Variants in SCN9A observed in about 807,000 individuals in gnomAD.
SCN9A encodes sodium voltage-gated channel alpha subunit 9, also known as sodium channel protein type 9 subunit alpha.
A neutral mutation model predicts 187.0 loss-of-function variants in SCN9A; 131 were observed. The observed-to-expected ratio is 0.70, with a 90% CI of 0.61 to 0.81. SCN9A has a LOEUF of 0.81. SCN9A is among the 30% of genes least tolerant of loss of function. The probability of loss-of-function intolerance (pLI) is 0.00; values close to 1 mark genes in which losing one functional copy is unlikely to be tolerated. For synonymous variants in SCN9A, 809 were observed against 808.6 expected, an observed-to-expected ratio of 1.00 and a Z score of -0.01; for missense variants, 2,252 against 2,396.6, an observed-to-expected ratio of 0.94 and a Z score of 1.26.
At chr2:166,356,538 T>G (rs541985091) in intron 1 of SCN9A, among the ~76,000 whole-genome samples, 173 of 152,256 alleles carry the variant, frequency 1.1e-3, no homozygotes, top group African/African-American at 3.9e-3. Context: ...AAGAATAAAT[T>G]TAGCCACAAA....
chr2:166,207,035 C>T (rs1693839406), intron 24 of SCN9A, among the ~76,000 whole-genome samples: 1 of 152,100 alleles, frequency 6.6e-6, no homozygotes, highest in African/African-American at 2.4e-5. Flanking sequence ...CTAAATCTTA[C>T]AAAGGGGGGC....
chr2:166,245,199 CA>C (rs778310897), intron 18 of SCN9A, among the ~76,000 whole-genome samples: 1 of 151,314 alleles, frequency 6.6e-6, no homozygotes, highest in South Asian at 2.1e-4. Flanking sequence ...TGGCAAAGTT[CA>C]AAAAAAGCAT....
In SCN9A at chr2:166,285,876, G is replaced by T. The variant is rs4426542; in HGVS notation, c.1602+460C>A. 3.7e-3 allele frequency among the ~76,000 whole-genome samples: 565 copies of T among 152,256 alleles called. 7 individuals carry two copies. Among genetic ancestry groups the T allele is most frequent in the South Asian group, 0.025 (120 of 4,824 alleles). On this transcript the variant is annotated intron_variant, in intron 11 of 26. Transcript: ENST00000642356. ...GCACTACATATTAGTAGTTGATGTG[G>T]TTGGGGGTGGAGGATATCAAAGGCT... is the stretch of plus-strand genomic sequence containing the variant.
intron 1 of SCN9A, among the ~76,000 whole-genome samples, chr2:166,348,956 T>C (rs1292452766): frequency 6.6e-6 from 1 of 151,852 alleles, no homozygotes; most frequent in Non-Finnish European, 1.5e-5. Context: ...AGAAACTCCA[T>C]CTCTACTAAA....
chr2:166,330,255 T>G (rs1275203882), intron 1 of SCN9A, among the ~76,000 whole-genome samples: 1 of 152,112 alleles, frequency 6.6e-6, no homozygotes, highest in Non-Finnish European at 1.5e-5. Context: ...AGCCTCCTTT[T>G]ATTAATATTT....
chr2:166,222,288 A>G (rs1481331718), intron 24 of SCN9A, among the ~76,000 whole-genome samples: 5 of 152,246 alleles, frequency 3.3e-5, no homozygotes, highest in African/African-American at 1.2e-4. Flanking sequence ...ACCAACATGT[A>G]TATTAAAAGA....
chr2:166,260,756 T>G (rs1696472270), intron 17 of SCN9A, among the ~76,000 whole-genome samples: 1 of 151,792 alleles, frequency 6.6e-6, no homozygotes, highest in Non-Finnish European at 1.5e-5. Flanking sequence ...ATAGAAAATT[T>G]TAATGTGTTC....
At chr2:166,231,211 T>A (rs765074282) in intron 21 of SCN9A, among the ~76,000 whole-genome samples, 2 of 151,908 alleles carry the variant, frequency 1.3e-5, no homozygotes, top group African/African-American at 2.4e-5. Flanking sequence ...ATTCTATTAA[T>A]GCTCAAAAAA....
chr2:166,345,561 A>G (rs1699881659), intron 1 of SCN9A, among the ~76,000 whole-genome samples: 1 of 152,168 alleles, frequency 6.6e-6, no homozygotes, highest in Non-Finnish European at 1.5e-5. Flanking sequence ...ATTGATTGAT[A>G]TAAAACTAAG....
In SCN9A at chr2:166,373,918, T is replaced by C. The variant is rs193052322; in HGVS notation, c.-51+1779A>G. Among the ~76,000 whole-genome samples, 601 of 152,332 alleles carry C rather than the reference T, an allele frequency of 3.9e-3. 6 individuals are homozygous for C. The highest frequency in any genetic ancestry group is 0.014 in the African/African-American group (563 of 41,568). On this transcript the variant is annotated intron_variant, in intron 1 of 26. Transcript: ENST00000642356. ...ATTCATGTAAAATGAAAAATTCTAC[T>C]TTTTTCCTTGCCACAGAGAAAGTGG...
In SCN9A at chr2:166,294,974, C is replaced by T. The variant is rs537968525; in HGVS notation, c.902-312G>A. On this transcript the variant is annotated intron_variant, in intron 7 of 26. Coordinates refer to ENST00000642356, the MANE Select transcript of SCN9A (RefSeq NM_001365536.1). ...AAATTTAAGTAAATAAATAAATATA[C>T]AAGATATTTTCAGATAGTGATAAAT... Among the ~76,000 whole-genome samples the T allele has an allele frequency of 1.5e-3, 235 of 152,120 alleles. 3 individuals carry two copies. In the Middle Eastern group the frequency reaches 0.017, roughly 11 times the overall value.
chr2:166,204,088 T>C lies in SCN9A; in HGVS notation c.4641A>G (p.Leu1547=). 6.2e-7 allele frequency: 1 copy of C among 1,612,800 alleles called. No homozygotes were observed. The highest frequency in any genetic ancestry group is 1.1e-5 in the South Asian group (1 of 91,056). ...EGQSQHMTEV[L]YWINVVFIIL... ...TTATAAAAACCACATTTATCCAATA[T>C]AAAACTTCAGTCATATGTTGACTTT... The change falls in exon 26 of 27, where the codon TTA becomes TTG. Residue 1547 remains leucine, a synonymous_variant. Coordinates refer to ENST00000642356, the MANE Select transcript of SCN9A (RefSeq NM_001365536.1).
At chr2:166,227,222 G>A (rs1694877891) in intron 23 of SCN9A, among the ~76,000 whole-genome samples, 1 of 152,056 alleles carries the variant, frequency 6.6e-6, no homozygotes, top group Non-Finnish European at 1.5e-5. Context: ...AACAGTAAAA[G>A]CTATACATTA....
chr2:166,301,435 C>T (rs1467408769), intron 7 of SCN9A: 3 of 150,852 alleles, frequency 2.0e-5, no homozygotes, highest in African/African-American at 7.5e-5. Flanking sequence ...ATAAATACTC[C>T]TGCTCATGTT....
At chr2:166,317,539 A>C (rs1342931427) in intron 1 of SCN9A, among the ~76,000 whole-genome samples, 2 of 152,192 alleles carry the variant, frequency 1.3e-5, no homozygotes, top group African/African-American at 2.4e-5. Context: ...CTATAGTTAA[A>C]ATCAATATGG....
Position 166,276,925 on chromosome 2 carries a change from A to G in SCN9A, c.2874+58T>C, listed in dbSNP as rs1317195783. 5 of 1,410,370 alleles carry G rather than the reference A, an allele frequency of 3.5e-6. No homozygotes were observed. The East Asian group carries it at 1.1e-4, about 32-fold the overall frequency. 87.4% of individuals were successfully genotyped at this position (1,410,370 alleles called of 1,614,324 possible). A position where few individuals can be genotyped will look rare whatever the true frequency, so the allele number is the denominator to read the frequency against. On this transcript the variant is annotated intron_variant, in intron 16 of 26. Transcript: ENST00000642356. ...TAAAATTATAAAAATAATAGATCAC[A>G]TCATCACAAAATAATTTCCACAGAG...
chr2:166,362,439 G>A (rs1291438709), intron 1 of SCN9A, among the ~76,000 whole-genome samples: 1 of 151,836 alleles, frequency 6.6e-6, no homozygotes, highest in African/African-American at 2.4e-5. Context: ...AAGATAAAGG[G>A]TATGGCTATT....
chr2:166,200,790 C>G (rs1693472634), intron 26 of SCN9A, among the ~76,000 whole-genome samples: 1 of 152,142 alleles, frequency 6.6e-6, no homozygotes, highest in Non-Finnish European at 1.5e-5. Flanking sequence ...CATGCGCCAC[C>G]ACACCTGGTT....
chr2:166,369,948 G>C (rs1274330206), intron 1 of SCN9A, among the ~76,000 whole-genome samples: 1 of 152,006 alleles, frequency 6.6e-6, no homozygotes, highest in Non-Finnish European at 1.5e-5. Flanking sequence ...GGGATTGCAG[G>C]GGTGACCAGC....
Sources: allele counts gnomAD v4.1 joint callset (sites outside exome capture counted in the v4.1 genomes callset), GRCh38; gene constraint gnomAD v4.1.1; transcripts MANE v1.5; gene names NCBI Gene and HGNC (gene_info 2026-07-23, HGNC 2026-07-21).